TEX36: variants seen among roughly 807,000 people sequenced by gnomAD.
TEX36 encodes the protein testis-expressed protein 36.
TEX36 carries 12 observed loss-of-function variants against 13.6 expected under a neutral mutation model. The observed-to-expected ratio is 0.88, with a 90% CI of 0.56 to 1.43. The LOEUF is 1.43. TEX36 is among the 40% of genes most tolerant of loss of function. The probability of loss-of-function intolerance (pLI) is 0.00; values close to 1 mark genes in which losing one functional copy is unlikely to be tolerated. For synonymous variants in TEX36, 93 were observed against 83.0 expected, an observed-to-expected ratio of 1.12 and a Z score of -0.65; for missense variants, 224 against 228.3, an observed-to-expected ratio of 0.98 and a Z score of 0.12.
intron 1 of TEX36, among the ~76,000 whole-genome samples, chr10:125,675,337 G>T (rs952103852): frequency 6.6e-6 from 1 of 152,174 alleles, no homozygotes; most frequent in East Asian, 1.9e-4. Flanking sequence ...GAGCTCAGTT[G>T]TCTTAGCAGG....
downstream of TEX36, among the ~76,000 whole-genome samples, chr10:125,651,715 T>C (rs1421832608): frequency 6.6e-6 from 1 of 152,232 alleles, no homozygotes; most frequent in Non-Finnish European, 1.5e-5. Flanking sequence ...TTGTCCCTGT[T>C]TGCAGATGAC....
intron 3 of TEX36, chr10:125,640,120 G>A (rs571362670): frequency 1.0e-6 from 1 of 983,542 alleles, no homozygotes; most frequent in African/African-American, 1.7e-5. Flanking sequence ...TTTCCGTTCA[G>A]AACTGGGATT....
At chr10:125,583,069 C>T (rs1845902388) in intron 3 of TEX36, among the ~76,000 whole-genome samples, 1 of 152,198 alleles carries the variant, frequency 6.6e-6, no homozygotes, top group African/African-American at 2.4e-5. Flanking sequence ...AAATGGAAAA[C>T]TGGTAGGATT....
At chr10:125,609,289 A>G (rs1846260607) in intron 3 of TEX36, among the ~76,000 whole-genome samples, 1 of 152,138 alleles carries the variant, frequency 6.6e-6, no homozygotes, top group Non-Finnish European at 1.5e-5. Flanking sequence ...TGACAATTCA[A>G]TGGTGTGAAA....
chr10:125,599,289 A>G (rs1846117522), intron 3 of TEX36, among the ~76,000 whole-genome samples: 1 of 152,214 alleles, frequency 6.6e-6, no homozygotes, highest in African/African-American at 2.4e-5. Flanking sequence ...GTGTGTAACC[A>G]GGGAGACGCA....
intron 3 of TEX36, among the ~76,000 whole-genome samples, chr10:125,602,523 C>G (rs997866644): frequency 6.6e-6 from 1 of 152,180 alleles, no homozygotes; most frequent in South Asian, 2.1e-4. Flanking sequence ...ATTCCCTCCA[C>G]TGGGATTCGT....
intron 1 of TEX36, among the ~76,000 whole-genome samples, chr10:125,677,346 T>C (rs1847327869): frequency 6.6e-6 from 1 of 152,204 alleles, no homozygotes; most frequent in Non-Finnish European, 1.5e-5. Context: ...CTTAAATGTT[T>C]GATCACTTTA....
chr10:125,589,757 T>G (rs1017007184), intron 3 of TEX36, among the ~76,000 whole-genome samples: 5 of 152,220 alleles, frequency 3.3e-5, no homozygotes, highest in Admixed American at 6.5e-5. Flanking sequence ...GCATCTCTTA[T>G]GTATAGTCAT....
At chr10:125,577,900 GAGAA>G (rs1188511942) in intron 3 of TEX36, among the ~76,000 whole-genome samples, 1 of 152,202 alleles carries the variant, frequency 6.6e-6, no homozygotes, top group Non-Finnish European at 1.5e-5. Flanking sequence ...GCAAAGAGAG[GAGAA>G]AGAAAGATTA....
intron 3 of TEX36, among the ~76,000 whole-genome samples, chr10:125,641,411 CT>C (rs1301678431): frequency 6.6e-6 from 1 of 152,182 alleles, no homozygotes; most frequent in Non-Finnish European, 1.5e-5. Context: ...GTCTGAGGGC[CT>C]TTACATCTGA....
At chr10:125,673,887 T>A (rs151200333) in intron 1 of TEX36, among the ~76,000 whole-genome samples, 3 of 152,068 alleles carry the variant, frequency 2.0e-5, no homozygotes, top group African/African-American at 7.2e-5. Context: ...GAGAATCTGA[T>A]GATTATGTGT....
downstream of TEX36, among the ~76,000 whole-genome samples, chr10:125,618,396 T>C (rs1403225303): frequency 1.3e-5 from 2 of 152,186 alleles, no homozygotes; most frequent in Non-Finnish European, 2.9e-5. Context: ...TTCTGCTCTG[T>C]TTTTTCCCCA....
At chr10:125,670,094 C>A (rs190312844) in intron 1 of TEX36, among the ~76,000 whole-genome samples, 89 of 152,298 alleles carry the variant, frequency 5.8e-4, no homozygotes, top group African/African-American at 2.0e-3. Context: ...GATTTCTATT[C>A]CTTTGGGTAT....
At chr10:125,671,223 G>A (rs1847222446) in intron 1 of TEX36, among the ~76,000 whole-genome samples, 1 of 152,166 alleles carries the variant, frequency 6.6e-6, no homozygotes, top group African/African-American at 2.4e-5. Flanking sequence ...TTTTCAAGGG[G>A]AATGCTTCCA....
intron 3 of TEX36, among the ~76,000 whole-genome samples, chr10:125,584,600 A>C (rs2133525354): frequency 6.6e-6 from 1 of 152,324 alleles, no homozygotes; most frequent in Admixed American, 6.5e-5. Flanking sequence ...TTAAGGTTAA[A>C]TGACATCATA....
At chr10:125,649,633 T>C (rs1333865670) in intron 3 of TEX36, among the ~76,000 whole-genome samples, 1 of 152,176 alleles carries the variant, frequency 6.6e-6, no homozygotes, top group Non-Finnish European at 1.5e-5. Flanking sequence ...CAGGATCAGA[T>C]TCACACATAA....
At chr10:125,661,750 C>T (rs1314430018) in intron 2 of TEX36, 96 bp downstream of exon 2, 1 of 1,478,826 alleles carries the variant, frequency 6.8e-7, no homozygotes, top group East Asian at 2.5e-5. Flanking sequence ...TGCGCAGTTT[C>T]TTACAAAGAA....
intron 3 of TEX36, among the ~76,000 whole-genome samples, chr10:125,660,774 C>T (rs539469063): frequency 4.5e-4 from 69 of 152,286 alleles, no homozygotes; most frequent in African/African-American, 1.7e-3. Context: ...TATGGGAAGG[C>T]ACTTGCAGAA....
chr10:125,655,434 G>A (rs1846922831), downstream of TEX36, among the ~76,000 whole-genome samples: 1 of 152,106 alleles, frequency 6.6e-6, no homozygotes, highest in African/African-American at 2.4e-5. Flanking sequence ...GACAGAGACT[G>A]TCTCAAAACA....
Sources: allele counts gnomAD v4.1 joint callset (sites outside exome capture counted in the v4.1 genomes callset), GRCh38; gene constraint gnomAD v4.1.1; transcripts MANE v1.5; gene names NCBI Gene and HGNC (gene_info 2026-07-23, HGNC 2026-07-21).